The following MACROD2 variants were observed in gnomAD, a reference collection of about 807,000 sequenced individuals.
MACROD2 encodes mono-ADP ribosylhydrolase 2, also known as ADP-ribose glycohydrolase MACROD2.
In MACROD2, 36 loss-of-function variants were observed where a neutral mutation model predicts 70.4. That is an observed-to-expected ratio of 0.51 (90% CI 0.39 to 0.68). MACROD2 has a LOEUF of 0.68. Among genes scored for constraint, MACROD2 ranks in the 30% least tolerant of loss-of-function variants. The pLI is 0.00. For missense variants in MACROD2, 496 were observed against 538.4 expected (o/e 0.92, Z 0.78); for synonymous variants, 172 against 178.8 (o/e 0.96, Z 0.30).
chr20:14,370,223 GA>G (rs1217853304), intron 3 of MACROD2, among the ~76,000 whole-genome samples: 4 of 151,378 alleles, frequency 2.6e-5, no homozygotes, highest in African/African-American at 9.8e-5. Flanking sequence ...AGTTATAATT[GA>G]ATTATCATGT....
At chr20:14,967,333 C>T (rs2423881) in intron 5 of MACROD2, among the ~76,000 whole-genome samples, 2,203 of 146,208 alleles carry the variant, frequency 0.015, 39 homozygotes, top group Admixed American at 0.038. Flanking sequence ...GCTGGGATTA[C>T]AGGTATTTTT....
chr20:15,844,269 T>G (rs1261267018), intron 8 of MACROD2, among the ~76,000 whole-genome samples: 1 of 152,038 alleles, frequency 6.6e-6, no homozygotes, highest in African/African-American at 2.4e-5. Context: ...GCTATGGTAA[T>G]ATAATTATGA....
At chr20:15,384,668 A>G (rs1263924985) in intron 6 of MACROD2, among the ~76,000 whole-genome samples, 2 of 152,182 alleles carry the variant, frequency 1.3e-5, no homozygotes, top group African/African-American at 4.8e-5. Flanking sequence ...GTCAGGGCAC[A>G]TACTTATGAA....
intron 5 of MACROD2, among the ~76,000 whole-genome samples, chr20:15,138,962 A>G (rs2076171332): frequency 6.6e-6 from 1 of 152,150 alleles, no homozygotes; most frequent in Non-Finnish European, 1.5e-5. Flanking sequence ...CTTTAACCTG[A>G]GTCTAATCAT....
intron 5 of MACROD2, among the ~76,000 whole-genome samples, chr20:14,763,278 A>T (rs540700834): frequency 1.3e-5 from 2 of 152,158 alleles, no homozygotes; most frequent in East Asian, 1.9e-4. Flanking sequence ...ATGCAAAAAA[A>T]CTTGTCGCTC....
chr20:15,115,217 A>G (rs970441263), intron 5 of MACROD2, among the ~76,000 whole-genome samples: 5 of 151,954 alleles, frequency 3.3e-5, no homozygotes, highest in African/African-American at 1.2e-4. Context: ...GGGTTGTATT[A>G]TGGTCTTTTT....
chr20:14,623,170 A>C (rs1983932630), intron 4 of MACROD2, among the ~76,000 whole-genome samples: 1 of 151,604 alleles, frequency 6.6e-6, no homozygotes, highest in Non-Finnish European at 1.5e-5. Flanking sequence ...TTACAACTGA[A>C]TTACAGTTTT....
intron 7 of MACROD2, among the ~76,000 whole-genome samples, chr20:15,480,976 A>G (rs2047089388): frequency 6.6e-6 from 1 of 152,100 alleles, no homozygotes; most frequent in African/African-American, 2.4e-5. Flanking sequence ...TGGTCCCTTT[A>G]TCAAATTTCT....
intron 4 of MACROD2, among the ~76,000 whole-genome samples, chr20:14,599,251 A>G (rs1982333693): frequency 6.6e-6 from 1 of 152,192 alleles, no homozygotes; most frequent in African/African-American, 2.4e-5. Context: ...GAGAGAGGGC[A>G]CTTCTGTTGT....
At chr20:15,809,574 AAAAC>A (rs1439916438) in intron 8 of MACROD2, among the ~76,000 whole-genome samples, 11 of 152,106 alleles carry the variant, frequency 7.2e-5, no homozygotes, top group African/African-American at 2.7e-4. Flanking sequence ...AGGCTCTTTT[AAAAC>A]AACCAACTCT....
At chr20:15,241,446 G>A (rs546023374) in intron 6 of MACROD2, among the ~76,000 whole-genome samples, 1 of 151,948 alleles carries the variant, frequency 6.6e-6, no homozygotes. Context: ...TTATTTTTGT[G>A]ATTTCTGAAT....
At chr20:15,009,727 A>T (rs910449809) in intron 5 of MACROD2, among the ~76,000 whole-genome samples, 1 of 149,654 alleles carries the variant, frequency 6.7e-6, no homozygotes, top group African/African-American at 2.5e-5. Context: ...TTTTTCCATA[A>T]TTTTTTTCAG....
chr20:14,686,928 T>G (rs923737831), intron 5 of MACROD2, among the ~76,000 whole-genome samples: 1 of 152,222 alleles, frequency 6.6e-6, no homozygotes, highest in Non-Finnish European at 1.5e-5. Flanking sequence ...TATGTACTTG[T>G]GTCAAACAAA....
At chr20:14,418,404 C>T (rs2083834878) in intron 3 of MACROD2, among the ~76,000 whole-genome samples, 2 of 152,162 alleles carry the variant, frequency 1.3e-5, no homozygotes, top group Non-Finnish European at 2.9e-5. Flanking sequence ...CCAATTTTAG[C>T]ATGTGTTGGA....
chr20:15,553,526 C>T lies in MACROD2; in HGVS notation c.645+53679C>T, dbSNP rs147213718. 5.3e-5 allele frequency among the ~76,000 whole-genome samples: 8 copies of T among 152,274 alleles called. No homozygotes were observed. The East Asian group carries it at 1.5e-3, about 29-fold the overall frequency. On this transcript the variant is annotated intron_variant, in intron 8 of 17. Coordinates refer to ENST00000684519, the MANE Select transcript of MACROD2 (RefSeq NM_001351661.2). ...CCTCTGCCTCTGGGGCTTGAGCGAT[C>T]TCCTACCTCAGCCTCCCAAGTAGCT... is the stretch of plus-strand genomic sequence containing the variant.
At chr20:14,751,962 C>T (rs989782175) in intron 5 of MACROD2, among the ~76,000 whole-genome samples, 20 of 151,968 alleles carry the variant, frequency 1.3e-4, no homozygotes, top group African/African-American at 4.8e-4. Context: ...AGGAAATACC[C>T]TCTTCCTGTG....
intron 3 of MACROD2, among the ~76,000 whole-genome samples, chr20:14,171,774 A>G (rs1421131679): frequency 3.3e-5 from 5 of 152,152 alleles, no homozygotes; most frequent in African/African-American, 9.7e-5. Context: ...ATCTTGGAGA[A>G]TGTTCCATGT....
At position 15,056,550 on chromosome 20, in the gene MACROD2, C is replaced by T. The variant is rs895009700; in HGVS notation, c.419-173390C>T. On this transcript the variant is annotated intron_variant, in intron 5 of 17. Transcript: ENST00000684519. ...AGGTGAAGCCCTTGAAGAGATGGCA[C>T]GTTTCTTTCCCCTTCCACTCAAACT... Among the ~76,000 whole-genome samples, 17 of 152,032 alleles carry T rather than the reference C, an allele frequency of 1.1e-4. 1 individual carries two copies. Among genetic ancestry groups the T allele is most frequent in the Non-Finnish European group, 2.1e-4 (14 of 68,020 alleles).
At chr20:15,587,807 G>C (rs745615093) in intron 8 of MACROD2, among the ~76,000 whole-genome samples, 1 of 152,348 alleles carries the variant, frequency 6.6e-6, no homozygotes, top group Middle Eastern at 3.4e-3. Flanking sequence ...CTCTGTCCCT[G>C]TCGCTTTGCA....
Sources: allele counts gnomAD v4.1 joint callset (sites outside exome capture counted in the v4.1 genomes callset), GRCh38; gene constraint gnomAD v4.1.1; transcripts MANE v1.5; gene names NCBI Gene and HGNC (gene_info 2026-07-23, HGNC 2026-07-21).